Variants in CLYBL observed in about 807,000 individuals in gnomAD.
The protein encoded by CLYBL is citramalyl-CoA lyase, mitochondrial.
A neutral mutation model predicts 38.9 loss-of-function variants in CLYBL; 31 were observed. The observed-to-expected ratio is 0.80, with a 90% CI of 0.60 to 1.08. The LOEUF (loss-of-function observed/expected upper bound fraction) is 1.08. Ranked by LOEUF, CLYBL falls within the 50% of genes least tolerant of loss-of-function variation. The pLI, the probability that CLYBL is intolerant of heterozygous loss-of-function variation, is 0.00. For synonymous variants in CLYBL, 171 were observed against 158.6 expected (o/e 1.08, Z -0.59); for missense variants, 434 against 411.6 (o/e 1.05, Z -0.47).
chr13:99,657,425 A>G (rs995332581), intron 1 of CLYBL, among the ~76,000 whole-genome samples: 3 of 152,220 alleles, frequency 2.0e-5, no homozygotes, highest in South Asian at 2.1e-4. Context: ...CTTGAATTCT[A>G]TATAAATATT....
At chr13:99,676,694 A>G (rs1241459933) in intron 1 of CLYBL, among the ~76,000 whole-genome samples, 1 of 151,970 alleles carries the variant, frequency 6.6e-6, no homozygotes, top group East Asian at 1.9e-4. Context: ...CCCAGGTTCA[A>G]GCGATTCTCC....
intron 1 of CLYBL, among the ~76,000 whole-genome samples, chr13:99,738,201 G>T (rs1296497951): frequency 1.3e-5 from 2 of 152,136 alleles, no homozygotes; most frequent in African/African-American, 4.8e-5. Flanking sequence ...CTTAATTAGG[G>T]ATGGAGTAAA....
chr13:99,807,555 A>G (rs1362597024), intron 2 of CLYBL, among the ~76,000 whole-genome samples: 3 of 152,186 alleles, frequency 2.0e-5, no homozygotes, highest in African/African-American at 7.2e-5. Context: ...GCTGAGTGAA[A>G]TAAGCCAGTC....
chr13:99,744,692 G>A (rs1005407063), intron 1 of CLYBL, among the ~76,000 whole-genome samples: 12 of 152,126 alleles, frequency 7.9e-5, no homozygotes, highest in Non-Finnish European at 1.5e-4. Context: ...TAGGAGCTGG[G>A]ACCTAGCACT....
chr13:99,715,382 C>T (rs2048296495), intron 1 of CLYBL, among the ~76,000 whole-genome samples: 1 of 151,274 alleles, frequency 6.6e-6, no homozygotes, highest in African/African-American at 2.4e-5. Context: ...TCTAAGTGCT[C>T]TTTATAGAGA....
At chr13:99,676,178 C>G (rs866905168) in intron 1 of CLYBL, among the ~76,000 whole-genome samples, 26 of 136,708 alleles carry the variant, frequency 1.9e-4, no homozygotes, top group South Asian at 7.1e-4. Context: ...CCTTCCTTCC[C>G]TCCGTCCGTC....
At chr13:99,717,537 G>A (rs1319566233) in intron 1 of CLYBL, among the ~76,000 whole-genome samples, 2 of 150,798 alleles carry the variant, frequency 1.3e-5, no homozygotes, top group Non-Finnish European at 1.5e-5. Flanking sequence ...TCAGTTCACT[G>A]CATCCTCTGC....
At chr13:99,642,898 A>G (rs1344514464) in intron 1 of CLYBL, among the ~76,000 whole-genome samples, 1 of 152,118 alleles carries the variant, frequency 6.6e-6, no homozygotes. Context: ...AGCTACAGCT[A>G]CAGGCATACA....
At chr13:99,730,740 A>C (rs939063588) in intron 1 of CLYBL, among the ~76,000 whole-genome samples, 3 of 152,080 alleles carry the variant, frequency 2.0e-5, no homozygotes, top group African/African-American at 7.2e-5. Context: ...GGCAGTGCCG[A>C]CCATCCTGCT....
intron 3 of CLYBL, among the ~76,000 whole-genome samples, chr13:99,861,661 A>AG (rs1015812762): frequency 7.2e-5 from 11 of 152,178 alleles, no homozygotes; most frequent in Non-Finnish European, 1.2e-4. Flanking sequence ...TGCCCTTTGA[A>AG]GGGGGGGCAG....
At chr13:99,756,201 T>G (rs1594162497) in intron 1 of CLYBL, among the ~76,000 whole-genome samples, 1 of 152,216 alleles carries the variant, frequency 6.6e-6, no homozygotes. Context: ...GGGAAACTTC[T>G]GCTCATCTCA....
At chr13:99,805,588 G>A (rs1289996698) in intron 2 of CLYBL, among the ~76,000 whole-genome samples, 2 of 151,950 alleles carry the variant, frequency 1.3e-5, no homozygotes, top group Non-Finnish European at 2.9e-5. Flanking sequence ...AGGGGGTGGG[G>A]GAGGGGACTC....
At chr13:99,635,314 A>G (rs1111867) in intron 1 of CLYBL, among the ~76,000 whole-genome samples, 98,915 of 151,568 alleles carry the variant, frequency 0.65, 32,776 homozygotes, top group East Asian at 0.89. Context: ...CGCCCCCCAC[A>G]CCCCCAACCT....
chr13:99,856,326 C>T (rs1216855314), intron 2 of CLYBL, among the ~76,000 whole-genome samples: 2 of 152,168 alleles, frequency 1.3e-5, no homozygotes, highest in East Asian at 1.9e-4. Context: ...AGGGATCCTG[C>T]GTTCTTGAGC....
chr13:99,786,529 C>T (rs2049799889), intron 2 of CLYBL, among the ~76,000 whole-genome samples: 1 of 152,208 alleles, frequency 6.6e-6, no homozygotes, highest in South Asian at 2.1e-4. Flanking sequence ...CTACAAAGGA[C>T]ATGAACTCAT....
intron 2 of CLYBL, among the ~76,000 whole-genome samples, chr13:99,823,756 C>T (rs556268864): frequency 6.6e-6 from 1 of 152,168 alleles, no homozygotes; most frequent in African/African-American, 2.4e-5. Flanking sequence ...TAATTCAATA[C>T]TGGACTCTCC....
intron 2 of CLYBL, chr13:99,783,814 T>A (rs1172596497): frequency 2.0e-5 from 3 of 152,124 alleles, no homozygotes; most frequent in Non-Finnish European, 4.4e-5. Context: ...CTTTCCCTCA[T>A]CAACAATCAT....
At chr13:99,843,151 G>A (rs2051124109) in intron 2 of CLYBL, among the ~76,000 whole-genome samples, 1 of 152,180 alleles carries the variant, frequency 6.6e-6, no homozygotes, top group African/African-American at 2.4e-5. Flanking sequence ...GTGAGAGTTG[G>A]AGCCTCATGG....
chr13:99,797,044 G>T (rs2050035639), intron 2 of CLYBL, among the ~76,000 whole-genome samples: 1 of 152,144 alleles, frequency 6.6e-6, no homozygotes, highest in African/African-American at 2.4e-5. Context: ...ATCAATATAT[G>T]GTAGCTGTTA....
Sources: gnomAD v4.1 joint callset for allele counts (sites outside exome capture counted in the v4.1 genomes callset) on GRCh38, gnomAD v4.1.1 for gene constraint, MANE v1.5 for transcripts, NCBI Gene and HGNC (gene_info 2026-07-23, HGNC 2026-07-21) for gene names.